KCTD8: variants seen among roughly 807,000 people sequenced by gnomAD.
KCTD8 encodes the protein potassium channel tetramerization domain containing 8, also known as BTB/POZ domain-containing protein KCTD8.
In KCTD8, 27 loss-of-function variants were observed where a neutral mutation model predicts 31.5. The ratio of observed to expected loss-of-function variants is 0.86; its 90% CI spans 0.63 to 1.18. The LOEUF (loss-of-function observed/expected upper bound fraction) is 1.18. Ranked by LOEUF, KCTD8 falls within the 50% of genes most tolerant of loss-of-function variation. The probability of loss-of-function intolerance (pLI) is 0.00; values close to 1 mark genes in which losing one functional copy is unlikely to be tolerated. For missense variants in KCTD8, 658 were observed against 647.7 expected (o/e 1.02, Z -0.17); for synonymous variants, 290 against 280.0 (o/e 1.04, Z -0.36).
chr4:44,329,668 G>A (rs903695663), intron 1 of KCTD8, among the ~76,000 whole-genome samples: 3 of 151,748 alleles, frequency 2.0e-5, no homozygotes, highest in African/African-American at 7.3e-5. Context: ...GAGTACCCAA[G>A]ACAAACTTTT....
intron 1 of KCTD8, among the ~76,000 whole-genome samples, chr4:44,344,550 AG>A (rs1718990986): frequency 6.6e-6 from 1 of 152,200 alleles, no homozygotes; most frequent in Admixed American, 6.5e-5. Flanking sequence ...TCAGTTGCAT[AG>A]ACTATTGGGA....
chr4:44,213,024 G>A (rs1460124748), intron 1 of KCTD8, among the ~76,000 whole-genome samples: 1 of 151,942 alleles, frequency 6.6e-6, no homozygotes, highest in African/African-American at 2.4e-5. Flanking sequence ...TGCAAGCTCC[G>A]CTTCCCCTGT....
Position 44,447,833 on chromosome 4 carries a change from G to C in KCTD8, c.691C>G (p.Arg231Gly). 2 of 1,594,144 alleles carry C rather than the reference G, an allele frequency of 1.3e-6. No homozygotes were observed. The highest frequency in any genetic ancestry group is 1.7e-6 in the Non-Finnish European group (2 of 1,168,572). Residue 231 changes from arginine to glycine, a missense_variant, in exon 1 of 2, where the codon CGT becomes GGT. Transcript: ENST00000360029. Reference sequence around the variant, plus strand: ...CCGCACACCATGATGCGCGCCACACGCCGGAATTTGGCGTCGGCCTGGTTG... The same window carrying C: ...CCGCACACCATGATGCGCGCCACACCCCGGAATTTGGCGTCGGCCTGGTTG... ...RDNQADAKFR[R>G]VARIMVCGRI...
At chr4:44,358,562 C>G (rs1190331113) in intron 1 of KCTD8, among the ~76,000 whole-genome samples, 4 of 140,340 alleles carry the variant, frequency 2.9e-5, no homozygotes, top group Admixed American at 2.2e-4. Flanking sequence ...TCTGTTGTTT[C>G]CTGACTTTTT....
intron 1 of KCTD8, among the ~76,000 whole-genome samples, chr4:44,351,746 C>G (rs925344605): frequency 4.6e-5 from 7 of 152,150 alleles, no homozygotes; most frequent in African/African-American, 1.7e-4. Context: ...TGTGATCTTT[C>G]ACTAACTGAA....
intron 1 of KCTD8, among the ~76,000 whole-genome samples, chr4:44,227,917 C>T (rs565245015): frequency 6.6e-6 from 1 of 152,288 alleles, no homozygotes; most frequent in East Asian, 1.9e-4. Context: ...TCCTGTCATT[C>T]TTGTCTATCT....
intron 1 of KCTD8, among the ~76,000 whole-genome samples, chr4:44,192,413 T>C (rs1290329837): frequency 1.3e-5 from 2 of 151,650 alleles, no homozygotes; most frequent in Admixed American, 1.3e-4. Flanking sequence ...TCCACTCGTA[T>C]GTCCTGAGGG....
intron 1 of KCTD8, among the ~76,000 whole-genome samples, chr4:44,357,398 T>C (rs1719371509): frequency 6.6e-6 from 1 of 152,180 alleles, no homozygotes; most frequent in African/African-American, 2.4e-5. Flanking sequence ...GAATGAAGCA[T>C]TTGTCTTCCC....
In KCTD8 at chr4:44,174,759, T is replaced by A. The variant is rs747064347; in HGVS notation, c.*31A>T. ...GTGACACTGTAGTAAACATTGAATG[T>A]CATCAAAATACTGCAGGAATGTGAC... is the stretch of plus-strand genomic sequence containing the variant. On this transcript the variant is annotated 3_prime_UTR_variant, in exon 2 of 2. Transcript: ENST00000360029. The A allele has an allele frequency of 1.5e-5, 22 of 1,507,998 alleles. No individual in the cohort carries two copies. The South Asian group carries it at 2.8e-4, about 19-fold the overall frequency. The allele number at this position is 1,507,998 out of a possible 1,614,324, so 93.4% of individuals were successfully genotyped here. A position where few individuals can be genotyped will look rare whatever the true frequency, so the allele number is the denominator to read the frequency against.
chr4:44,223,221 A>G (rs1714858423), intron 1 of KCTD8, among the ~76,000 whole-genome samples: 1 of 152,208 alleles, frequency 6.6e-6, no homozygotes, highest in South Asian at 2.1e-4. Flanking sequence ...TAAGGGGACA[A>G]GAGCGGCTCA....
intron 1 of KCTD8, among the ~76,000 whole-genome samples, chr4:44,299,941 C>T (rs968241390): frequency 6.6e-6 from 1 of 151,634 alleles, no homozygotes; most frequent in Admixed American, 6.6e-5. Flanking sequence ...TTAGTAGAGA[C>T]GGGGTTTCGC....
At chr4:44,384,374 T>C (rs893651547) in intron 1 of KCTD8, among the ~76,000 whole-genome samples, 6 of 151,906 alleles carry the variant, frequency 3.9e-5, no homozygotes, top group Non-Finnish European at 7.4e-5. Flanking sequence ...CTATTCACAA[T>C]AGCCAAAATA....
At chr4:44,181,370 C>T (rs943902937) in intron 1 of KCTD8, among the ~76,000 whole-genome samples, 11 of 152,268 alleles carry the variant, frequency 7.2e-5, no homozygotes, top group Admixed American at 3.9e-4. Context: ...CTCAGCCTGC[C>T]GAGTGCCTGC....
At chr4:44,421,438 C>A (rs1721207892) in intron 1 of KCTD8, among the ~76,000 whole-genome samples, 1 of 151,970 alleles carries the variant, frequency 6.6e-6, no homozygotes. Context: ...TCCAGGTATA[C>A]CAACAGAGAT....
chr4:44,447,413 T>C, intron 1 of KCTD8, 150 bp downstream of exon 1: 2 of 1,251,872 alleles, frequency 1.6e-6, no homozygotes, highest in Non-Finnish European at 2.1e-6. Flanking sequence ...GTCTACTGCA[T>C]AAGGGAATCG....
chr4:44,405,450 G>T (rs1720770022), intron 1 of KCTD8, among the ~76,000 whole-genome samples: 1 of 152,006 alleles, frequency 6.6e-6, no homozygotes, highest in African/African-American at 2.4e-5. Context: ...GTAGAGACAG[G>T]ATTTCACCAT....
intron 1 of KCTD8, 41 bp downstream of exon 1, chr4:44,447,522 G>C (rs1721972276): frequency 2.0e-6 from 3 of 1,483,038 alleles, no homozygotes; most frequent in South Asian, 2.8e-5. Context: ...GGCTCAGCAG[G>C]GGGCGAGGGG....
intron 1 of KCTD8, among the ~76,000 whole-genome samples, chr4:44,219,017 T>A (rs1470304452): frequency 6.6e-6 from 1 of 152,152 alleles, no homozygotes; most frequent in African/African-American, 2.4e-5. Context: ...TGACTTATCC[T>A]CCACCACCTC....
chr4:44,355,099 T>C (rs35590042), intron 1 of KCTD8, among the ~76,000 whole-genome samples: 10,836 of 152,238 alleles, frequency 0.071, 509 homozygotes, highest in Admixed American at 0.16. Flanking sequence ...TTTGAATTAA[T>C]TGAGAAGAAT....
Sources: allele counts gnomAD v4.1 joint callset (sites outside exome capture counted in the v4.1 genomes callset), GRCh38; gene constraint gnomAD v4.1.1; transcripts MANE v1.5; gene names NCBI Gene and HGNC (gene_info 2026-07-23, HGNC 2026-07-21).